ALPK2: variants seen among roughly 807,000 people sequenced by gnomAD.
ALPK2 encodes the protein alpha-protein kinase 2.
In ALPK2, 127 loss-of-function variants were observed where a neutral mutation model predicts 163.1. The ratio of observed to expected loss-of-function variants is 0.78; its 90% CI spans 0.67 to 0.90. The LOEUF is 0.90. Ranked by LOEUF, ALPK2 falls within the 40% of genes least tolerant of loss-of-function variation. ALPK2 has a pLI of 0.00. For synonymous variants in ALPK2, 953 were observed against 959.1 expected, an observed-to-expected ratio of 0.99 and a Z score of 0.12; for missense variants, 2,360 against 2,589.6, an observed-to-expected ratio of 0.91 and a Z score of 1.92.
At chr18:58,607,299 T>C in intron 3 of ALPK2, 23 bp downstream of exon 3, 1 of 1,521,960 alleles carries the variant, frequency 6.6e-7, no homozygotes, top group Non-Finnish European at 9.1e-7. Flanking sequence ...TAGTAAACAG[T>C]CCACAGGGGT....
rs552131621 is a variant in ALPK2 at position 58,585,106 on chromosome 18, T to A, written c.228-4558A>T. 5.3e-5 allele frequency among the ~76,000 whole-genome samples: 8 copies of A among 152,338 alleles called. No homozygotes were observed. The South Asian group carries it at 1.5e-3, about 28-fold the overall frequency. ...TAAAGAAAAAGAGGTCCATGTTACC[T>A]TGAATGAAGCTTCTGAGTTTGAACC... On this transcript the variant is annotated intron_variant, in intron 3 of 12. Coordinates refer to ENST00000361673, the MANE Select transcript of ALPK2 (RefSeq NM_052947.4).
chr18:58,603,382 G>A (rs1264315996), intron 3 of ALPK2, among the ~76,000 whole-genome samples: 3 of 152,212 alleles, frequency 2.0e-5, no homozygotes, highest in Admixed American at 6.5e-5. Context: ...TGACTGTGCC[G>A]TTCTCCTGGT....
Position 58,535,598 on chromosome 18 carries a change from T to C in ALPK2, c.4589A>G (p.Asp1530Gly), listed in dbSNP as rs774763299. ...AGTGGGGGAAATCAATTCTGCTTTGTCCTTTTTGCTTTGCTCAGCCTCCCC... is the reference window on the plus strand; with the variant it reads ...AGTGGGGGAAATCAATTCTGCTTTGCCCTTTTTGCTTTGCTCAGCCTCCCC... The part of the protein sequence containing the change: ...SLGEAEQSKK[D>G]KAELISPTSP... Residue 1530 changes from aspartate (D) to glycine (G), a missense_variant, in exon 5 of 13, where the codon GAC (aspartate) becomes GGC (glycine). Physicochemically the swap from Asp to Gly is moderately conservative, Grantham distance 94 (BLOSUM62 -1). Transcript: ENST00000361673. The C allele has an allele frequency of 2.5e-6, 4 of 1,614,116 alleles. No individual in the cohort carries two copies. The Admixed American group carries it at 6.7e-5, about 27-fold the overall frequency.
At chr18:58,625,242 C>T (rs1194063520) in intron 1 of ALPK2, among the ~76,000 whole-genome samples, 4 of 151,904 alleles carry the variant, frequency 2.6e-5, no homozygotes, top group Admixed American at 6.5e-5. Context: ...CATATTGTCC[C>T]CACACTCAGT....
At chr18:58,496,773 T>C (rs1206026971) in intron 12 of ALPK2, among the ~76,000 whole-genome samples, 7 of 152,168 alleles carry the variant, frequency 4.6e-5, no homozygotes, top group Non-Finnish European at 1.5e-5. Flanking sequence ...TGGAGAGACT[T>C]TACTCCTCTC....
chr18:58,599,249 G>A (rs953607064), intron 3 of ALPK2, among the ~76,000 whole-genome samples: 1 of 152,170 alleles, frequency 6.6e-6, no homozygotes, highest in Non-Finnish European at 1.5e-5. Context: ...CCTATCACCC[G>A]AGGACTAACC....
rs139355530 is a variant in ALPK2, at chr18:58,535,882, T to C, written c.4305A>G (p.Gln1435=). 495 of 1,614,122 alleles carry C rather than the reference T, an allele frequency of 3.1e-4. No homozygotes were observed. The highest frequency in any genetic ancestry group is 3.3e-4 in the Middle Eastern group (2 of 6,084). ...TTPQGAREGG[Q]SNDGNMGHEA... is the part of the protein sequence containing the mutation. Reference sequence around the variant, plus strand: ...CGTGGCCCATGTTTCCGTCATTTGATTGACCCCCTTCTCTGGCGCCCTGTG... The same window carrying C: ...CGTGGCCCATGTTTCCGTCATTTGACTGACCCCCTTCTCTGGCGCCCTGTG... Residue 1435 remains glutamine, a synonymous_variant, in exon 5 of 13, where the codon CAA becomes CAG. Coordinates refer to ENST00000361673, the MANE Select transcript of ALPK2 (RefSeq NM_052947.4).
At chr18:58,523,707 G>A (rs1327137947) in intron 8 of ALPK2, 99 bp downstream of exon 8, 2 of 1,457,960 alleles carry the variant, frequency 1.4e-6, no homozygotes, top group African/African-American at 1.4e-5. Context: ...TCGGTTGGAA[G>A]AGTCCAGAGG....
At chr18:58,497,508 G>A (rs4432325) in intron 12 of ALPK2, among the ~76,000 whole-genome samples, 142,684 of 152,270 alleles carry the variant, frequency 0.94, 67,509 homozygotes, top group East Asian at 1. Context: ...GCACCACTCT[G>A]TATTAGAAAA....
intron 4 of ALPK2, among the ~76,000 whole-genome samples, chr18:58,548,752 G>C (rs1454704012): frequency 6.6e-6 from 1 of 152,128 alleles, no homozygotes; most frequent in African/African-American, 2.4e-5. Flanking sequence ...AATTTCCTGG[G>C]ATATTGAGAT....
chr18:58,623,269 A>C (rs1001123749), intron 1 of ALPK2, among the ~76,000 whole-genome samples: 3 of 151,960 alleles, frequency 2.0e-5, no homozygotes, highest in Non-Finnish European at 4.4e-5. Context: ...ATGGGGTCCC[A>C]CTATGTTGCC....
At chr18:58,508,372 G>C in intron 10 of ALPK2, among the ~76,000 whole-genome samples, 1 of 152,188 alleles carries the variant, frequency 6.6e-6, no homozygotes, top group East Asian at 1.9e-4. Context: ...TAAAAATAAG[G>C]CTGAAACCTA....
At chr18:58,620,323 A>G (rs140491031) in intron 1 of ALPK2, among the ~76,000 whole-genome samples, 1 of 152,350 alleles carries the variant, frequency 6.6e-6, no homozygotes, top group East Asian at 1.9e-4. Flanking sequence ...AAAACTATGG[A>G]TACATGGTAT....
intron 12 of ALPK2, among the ~76,000 whole-genome samples, chr18:58,490,350 C>T (rs2051367126): frequency 6.6e-6 from 1 of 152,218 alleles, no homozygotes. Flanking sequence ...CACTGCCCCT[C>T]CCTGGGCCAG....
chr18:58,609,469 T>C (rs2052116505), intron 2 of ALPK2, among the ~76,000 whole-genome samples: 2 of 152,212 alleles, frequency 1.3e-5, no homozygotes, highest in South Asian at 4.1e-4. Context: ...TGTGGGTACG[T>C]GGCTGTTTTG....
chr18:58,542,569 T>C (rs1456810644), intron 4 of ALPK2, among the ~76,000 whole-genome samples: 1 of 152,158 alleles, frequency 6.6e-6, no homozygotes, highest in Non-Finnish European at 1.5e-5. Context: ...CTATTGACTG[T>C]GATAGAAGAG....
intron 3 of ALPK2, among the ~76,000 whole-genome samples, chr18:58,585,728 G>C (rs1014227267): frequency 6.9e-6 from 1 of 145,856 alleles, no homozygotes; most frequent in African/African-American, 2.6e-5. Flanking sequence ...CTGTCTCCCA[G>C]GCTGGAGTAC....
At chr18:58,504,593 A>G (rs1366357795) in intron 10 of ALPK2, among the ~76,000 whole-genome samples, 1 of 152,088 alleles carries the variant, frequency 6.6e-6, no homozygotes, top group Non-Finnish European at 1.5e-5. Flanking sequence ...AGTGGCCTGT[A>G]TGTGTCAGAT....
chr18:58,588,283 T>C (rs1457198526), intron 3 of ALPK2, among the ~76,000 whole-genome samples: 3 of 152,248 alleles, frequency 2.0e-5, no homozygotes, highest in East Asian at 3.8e-4. Flanking sequence ...CAGAATTCTA[T>C]GGCAACTAAT....
Sources: gnomAD v4.1 joint callset for allele counts (sites outside exome capture counted in the v4.1 genomes callset) on GRCh38, gnomAD v4.1.1 for gene constraint, MANE v1.5 for transcripts, NCBI Gene and HGNC (gene_info 2026-07-23, HGNC 2026-07-21) for gene names.